The following SGCD variants were observed in gnomAD, a reference collection of about 807,000 sequenced individuals.
The protein encoded by SGCD is delta-sarcoglycan.
SGCD carries 18 observed loss-of-function variants against 36.6 expected under a neutral mutation model. The ratio of observed to expected loss-of-function variants is 0.49; its 90% CI spans 0.34 to 0.73. The LOEUF (loss-of-function observed/expected upper bound fraction) is 0.73, where lower values mean the gene tolerates loss of function less well. Ranked by LOEUF, SGCD falls within the 30% of genes least tolerant of loss-of-function variation. SGCD has a pLI of 0.01. For synonymous variants in SGCD, 133 were observed against 130.6 expected (o/e 1.02, Z -0.12); for missense variants, 387 against 346.7 (o/e 1.12, Z -0.92).
chr5:156,562,896 C>A (rs1188141794), intron 4 of SGCD, among the ~76,000 whole-genome samples: 1 of 151,548 alleles, frequency 6.6e-6, no homozygotes, highest in African/African-American at 2.4e-5. Context: ...AAATTACCTT[C>A]CATTTTTTGG....
intron 1 of SGCD, among the ~76,000 whole-genome samples, chr5:155,885,694 CA>C (rs1301650011): frequency 6.6e-6 from 1 of 152,146 alleles, no homozygotes; most frequent in African/African-American, 2.4e-5. Context: ...ATGTTACTTT[CA>C]AAAAAGAAAA....
At chr5:156,047,500 C>G (rs549550671) in intron 1 of SGCD, among the ~76,000 whole-genome samples, 2 of 152,208 alleles carry the variant, frequency 1.3e-5, no homozygotes, top group South Asian at 4.1e-4. Context: ...TTAACTGATA[C>G]TGAAAATTCT....
At chr5:156,033,935 G>A (rs1759424191) in intron 1 of SGCD, among the ~76,000 whole-genome samples, 1 of 152,044 alleles carries the variant, frequency 6.6e-6, no homozygotes, top group Non-Finnish European at 1.5e-5. Context: ...ACTGTTCAAT[G>A]CAAGACACAA....
chr5:156,625,089 C>G (rs1164769242), intron 6 of SGCD, among the ~76,000 whole-genome samples: 1 of 152,168 alleles, frequency 6.6e-6, no homozygotes, highest in Non-Finnish European at 1.5e-5. Flanking sequence ...GCGATGGCAC[C>G]TATGCCTCTC....
At chr5:155,756,624 A>G in the SGCD span, among the ~76,000 whole-genome samples, 1 of 152,220 alleles carries the variant, frequency 6.6e-6, no homozygotes, top group African/African-American at 2.4e-5. Context: ...ACCATTTAAT[A>G]AACATAAGCT....
chr5:155,808,584 T>C, the SGCD span, among the ~76,000 whole-genome samples: 1 of 152,308 alleles, frequency 6.6e-6, no homozygotes, highest in South Asian at 2.1e-4. Context: ...AACTATTGCA[T>C]CTGAGAAATG....
At chr5:156,168,633 G>A (rs1763269007) in intron 3 of SGCD, among the ~76,000 whole-genome samples, 1 of 152,160 alleles carries the variant, frequency 6.6e-6, no homozygotes, top group Admixed American at 6.5e-5. Context: ...TACACCTTGT[G>A]TGTGCTACCA....
intron 3 of SGCD, among the ~76,000 whole-genome samples, chr5:156,227,739 C>A (rs977932021): frequency 2.6e-5 from 4 of 152,048 alleles, no homozygotes; most frequent in African/African-American, 4.8e-5. Flanking sequence ...GTTAGATTGT[C>A]TGTTTGTGCC....
chr5:156,452,919 A>G (rs1456441951), intron 3 of SGCD, among the ~76,000 whole-genome samples: 1 of 152,162 alleles, frequency 6.6e-6, no homozygotes, highest in Non-Finnish European at 1.5e-5. Flanking sequence ...AAATGATTGG[A>G]GATAGAGTGA....
intron 3 of SGCD, among the ~76,000 whole-genome samples, chr5:156,394,916 A>T (rs901615825): frequency 6.6e-6 from 1 of 152,226 alleles, no homozygotes; most frequent in Non-Finnish European, 1.5e-5. Flanking sequence ...CATATTGGCT[A>T]GAACAGGCTT....
chr5:155,881,599 G>C (rs141555739), intron 1 of SGCD, among the ~76,000 whole-genome samples: 1 of 152,192 alleles, frequency 6.6e-6, no homozygotes, highest in African/African-American at 2.4e-5. Flanking sequence ...TGGGCTGGCT[G>C]CAGCAATTTT....
At chr5:156,628,003 A>G (rs1214789732) in intron 6 of SGCD, among the ~76,000 whole-genome samples, 1 of 152,204 alleles carries the variant, frequency 6.6e-6, no homozygotes, top group African/African-American at 2.4e-5. Flanking sequence ...ACAGTTCTGT[A>G]GGATGTATGA....
At chr5:156,579,305 A>G (rs1298502458) in intron 4 of SGCD, among the ~76,000 whole-genome samples, 1 of 152,048 alleles carries the variant, frequency 6.6e-6, no homozygotes, top group Non-Finnish European at 1.5e-5. Flanking sequence ...GCTCTTTTAC[A>G]TTTGCTGAGG....
intron 1 of SGCD, among the ~76,000 whole-genome samples, chr5:156,029,649 C>G (rs1206937712): frequency 6.6e-6 from 1 of 152,070 alleles, no homozygotes; most frequent in South Asian, 2.1e-4. Context: ...AATAAACTAG[C>G]AGGAAAAATA....
chr5:155,954,046 T>G (rs1037155931), intron 1 of SGCD, among the ~76,000 whole-genome samples: 12 of 152,178 alleles, frequency 7.9e-5, no homozygotes, highest in African/African-American at 2.9e-4. Context: ...ATATTTAGGC[T>G]AAGAAAATAG....
intron 1 of SGCD, among the ~76,000 whole-genome samples, chr5:156,117,373 A>T (rs572347964): frequency 6.6e-6 from 1 of 152,244 alleles, no homozygotes; most frequent in East Asian, 1.9e-4. Flanking sequence ...AGGAGGTTTT[A>T]CTTAAATCTA....
At chr5:155,835,283 C>T in the SGCD span, among the ~76,000 whole-genome samples, 1 of 152,046 alleles carries the variant, frequency 6.6e-6, no homozygotes, top group Admixed American at 6.6e-5. Flanking sequence ...GCTGGGATTA[C>T]AGGTGTGAGC....
At chr5:156,552,055 A>G (rs116279580) in intron 4 of SGCD, among the ~76,000 whole-genome samples, 1,743 of 152,302 alleles carry the variant, frequency 0.011, 32 homozygotes, top group African/African-American at 0.034. Flanking sequence ...TGTACTGCCC[A>G]GGCCTTTGTC....
chr5:155,950,640 G>A (rs1757530852), intron 1 of SGCD, among the ~76,000 whole-genome samples: 1 of 152,134 alleles, frequency 6.6e-6, no homozygotes, highest in Non-Finnish European at 1.5e-5. Flanking sequence ...CACAACAAAT[G>A]TCTGTACATC....
Sources: allele counts gnomAD v4.1 joint callset (sites outside exome capture counted in the v4.1 genomes callset), GRCh38; gene constraint gnomAD v4.1.1; transcripts MANE v1.5; gene names NCBI Gene and HGNC (gene_info 2026-07-23, HGNC 2026-07-21).